CTNNA3: variants seen among roughly 807,000 people sequenced by gnomAD.
CTNNA3 encodes catenin alpha 3, also known as catenin alpha-3.
CTNNA3 carries 76 observed loss-of-function variants against 95.7 expected under a neutral mutation model. The ratio of observed to expected loss-of-function variants is 0.79; its 90% CI spans 0.66 to 0.96. The LOEUF (loss-of-function observed/expected upper bound fraction) is 0.96. Among genes scored for constraint, CTNNA3 ranks in the 40% least tolerant of loss-of-function variants. The pLI is 0.00. For missense variants in CTNNA3, 1,191 were observed against 1,089.8 expected, an observed-to-expected ratio of 1.09 and a Z score of -1.31; for synonymous variants, 431 against 374.4, an observed-to-expected ratio of 1.15 and a Z score of -1.74.
chr10:67,045,352 C>T (rs1407034317), intron 7 of CTNNA3, among the ~76,000 whole-genome samples: 1 of 152,002 alleles, frequency 6.6e-6, no homozygotes, highest in African/African-American at 2.4e-5. Context: ...TGGCAGAAAC[C>T]CTGGAGGTCA....
chr10:67,445,011 T>C (rs1564654916), intron 5 of CTNNA3, among the ~76,000 whole-genome samples: 1 of 150,906 alleles, frequency 6.6e-6, no homozygotes, highest in Non-Finnish European at 1.5e-5. Context: ...GAAGAACAAA[T>C]AATCAGGAAA....
chr10:66,764,792 G>A (rs1403392139), intron 9 of CTNNA3, among the ~76,000 whole-genome samples: 1 of 152,112 alleles, frequency 6.6e-6, no homozygotes, highest in Non-Finnish European at 1.5e-5. Context: ...TTTCTGGAAT[G>A]TGTAGACGAA....
intron 7 of CTNNA3, among the ~76,000 whole-genome samples, chr10:66,914,424 T>C (rs189784826): frequency 5.2e-4 from 79 of 151,868 alleles, no homozygotes; most frequent in African/African-American, 1.4e-3. Context: ...CTCATTAATA[T>C]GAATGAACAC....
At chr10:66,239,509 A>C (rs1157050358) in intron 13 of CTNNA3, among the ~76,000 whole-genome samples, 1 of 151,910 alleles carries the variant, frequency 6.6e-6, no homozygotes, top group Non-Finnish European at 1.5e-5. Flanking sequence ...AGCCTAATAG[A>C]TTAGGCACTC....
chr10:66,788,740 G>A (rs1417535036), intron 7 of CTNNA3, among the ~76,000 whole-genome samples: 1 of 151,996 alleles, frequency 6.6e-6, no homozygotes, highest in African/African-American at 2.4e-5. Context: ...AAAGAACAGA[G>A]AAATACAAGT....
intron 11 of CTNNA3, among the ~76,000 whole-genome samples, chr10:66,517,206 G>T (rs1840892755): frequency 6.6e-6 from 1 of 152,068 alleles, no homozygotes; most frequent in Non-Finnish European, 1.5e-5. Flanking sequence ...GGGTGACACA[G>T]AGAGACTCTG....
intron 9 of CTNNA3, among the ~76,000 whole-genome samples, chr10:66,644,322 ATAAAAT>A (rs1845624283): frequency 6.8e-6 from 1 of 147,044 alleles, no homozygotes; most frequent in African/African-American, 2.5e-5. Flanking sequence ...ATATATATAT[ATAAAAT>A]AATACTTTAC....
At chr10:66,623,405 T>A (rs1353736277) in intron 9 of CTNNA3, among the ~76,000 whole-genome samples, 3 of 152,124 alleles carry the variant, frequency 2.0e-5, no homozygotes, top group South Asian at 2.1e-4. Context: ...GTATCCTCAT[T>A]TTCTTCTTTT....
rs371520097 is a variant in CTNNA3, at chr10:67,144,438, ACAT to A, written c.1047+35876_1047+35878del. Among the ~76,000 whole-genome samples, 144 of 152,350 alleles carry A rather than the reference ACAT, an allele frequency of 9.5e-4. No individual in the cohort carries two copies. In the East Asian group the frequency reaches 0.021, roughly 22 times the overall value. Reference sequence around the variant, plus strand: ...TCTCTAGTTATGAAAGTCCTAGATGACATCTTCTTCCAACAGAAGACTGTTTTA... The same window carrying A: ...TCTCTAGTTATGAAAGTCCTAGATGACTTCTTCCAACAGAAGACTGTTTTA... On this transcript the variant is annotated intron_variant, in intron 7 of 17. Coordinates refer to ENST00000433211, the MANE Select transcript of CTNNA3 (RefSeq NM_013266.4).
In CTNNA3 at chr10:66,076,889, A is replaced by G. The variant is rs148476676; in HGVS notation, c.1978-7400T>C. ...TGAGTTCCTTAGGGAACATTTGCAG[A>G]TCTCCTATAATGAAACCCTCTCCAA... On this transcript the variant is annotated intron_variant, in intron 14 of 17. Coordinates refer to ENST00000433211, the MANE Select transcript of CTNNA3 (RefSeq NM_013266.4). Among the ~76,000 whole-genome samples, 389 of 151,870 alleles carry G rather than the reference A, an allele frequency of 2.6e-3. 6 individuals carry two copies. Among genetic ancestry groups the G allele is most frequent in the African/African-American group, 9.1e-3 (376 of 41,534 alleles).
At chr10:66,967,860 T>A in intron 7 of CTNNA3, among the ~76,000 whole-genome samples, 1 of 152,094 alleles carries the variant, frequency 6.6e-6, no homozygotes, top group East Asian at 1.9e-4. Flanking sequence ...AATGAGTAGT[T>A]AATAGGTTCT....
At chr10:66,153,590 T>C (rs540705763) in intron 13 of CTNNA3, among the ~76,000 whole-genome samples, 1 of 151,840 alleles carries the variant, frequency 6.6e-6, no homozygotes, top group Non-Finnish European at 1.5e-5. Context: ...GTATACCAAT[T>C]TGGGGGCTCT....
chr10:66,118,346 T>C (rs74142672), intron 13 of CTNNA3: 214 of 152,310 alleles, frequency 1.4e-3, no homozygotes, highest in African/African-American at 4.8e-3. Context: ...TGAAATGTTG[T>C]TTTCAAAACC....
intron 1 of CTNNA3, among the ~76,000 whole-genome samples, chr10:67,692,897 G>A (rs1249102383): frequency 6.6e-6 from 1 of 152,116 alleles, no homozygotes; most frequent in Non-Finnish European, 1.5e-5. Flanking sequence ...GGCCTCCATT[G>A]TTCAAGTTCC....
chr10:67,639,589 T>A (rs1307530975), intron 2 of CTNNA3, among the ~76,000 whole-genome samples: 1 of 151,206 alleles, frequency 6.6e-6, no homozygotes, highest in Non-Finnish European at 1.5e-5. Flanking sequence ...CTCATGAACA[T>A]CGATGCAAAA....
intron 2 of CTNNA3, among the ~76,000 whole-genome samples, chr10:67,623,318 C>T (rs1295841894): frequency 1.3e-5 from 2 of 152,160 alleles, no homozygotes; most frequent in Admixed American, 6.5e-5. Context: ...TACCTGAAAG[C>T]CAATCAAATC....
chr10:66,127,972 T>A (rs2082903215), intron 13 of CTNNA3, among the ~76,000 whole-genome samples: 1 of 152,070 alleles, frequency 6.6e-6, no homozygotes, highest in Admixed American at 6.6e-5. Flanking sequence ...CTTGGGAGGC[T>A]GAGGCAGGAG....
chr10:66,034,767 C>G (rs950098922), intron 15 of CTNNA3, among the ~76,000 whole-genome samples: 1 of 152,092 alleles, frequency 6.6e-6, no homozygotes, highest in Non-Finnish European at 1.5e-5. Flanking sequence ...CCAATTAAAG[C>G]TCATGAAGGG....
chr10:66,375,608 T>G (rs2092791034), intron 12 of CTNNA3, among the ~76,000 whole-genome samples: 1 of 151,914 alleles, frequency 6.6e-6, no homozygotes, highest in African/African-American at 2.4e-5. Context: ...AAAGCATGTT[T>G]TAATCAAGCT....
Sources: allele counts gnomAD v4.1 joint callset (sites outside exome capture counted in the v4.1 genomes callset), GRCh38; gene constraint gnomAD v4.1.1; transcripts MANE v1.5; gene names NCBI Gene and HGNC (gene_info 2026-07-23, HGNC 2026-07-21).